CORIN: variants seen among roughly 807,000 people sequenced by gnomAD.
The protein encoded by CORIN is atrial natriuretic peptide-converting enzyme.
In CORIN, 117 loss-of-function variants were observed where a neutral mutation model predicts 125.3. That is an observed-to-expected ratio of 0.93 (90% confidence interval 0.80 to 1.09). CORIN has a LOEUF of 1.09. CORIN is among the 50% of genes least tolerant of loss of function. The pLI is 0.00. For synonymous variants in CORIN, 450 were observed against 466.4 expected (o/e 0.96, Z 0.45); for missense variants, 1,253 against 1,306.7 (o/e 0.96, Z 0.63).
chr4:47,813,959 G>A (rs746932753), intron 1 of CORIN, among the ~76,000 whole-genome samples: 6 of 152,138 alleles, frequency 3.9e-5, no homozygotes, highest in Non-Finnish European at 7.4e-5. Context: ...AGATGGGATT[G>A]TATGCAAAAT....
At chr4:47,635,227 T>C (rs1171558299) in intron 16 of CORIN, among the ~76,000 whole-genome samples, 3 of 152,178 alleles carry the variant, frequency 2.0e-5, no homozygotes, top group Non-Finnish European at 4.4e-5. Flanking sequence ...GGGACAGAAA[T>C]GGAGACAACA....
At chr4:47,709,557 A>G (rs1412840107) in intron 5 of CORIN, among the ~76,000 whole-genome samples, 1 of 152,094 alleles carries the variant, frequency 6.6e-6, no homozygotes, top group Non-Finnish European at 1.5e-5. Flanking sequence ...CTCTCAAAGT[A>G]CTAGAATTAC....
At chr4:47,717,157 A>T (rs1727129826) in intron 5 of CORIN, among the ~76,000 whole-genome samples, 1 of 152,158 alleles carries the variant, frequency 6.6e-6, no homozygotes, top group East Asian at 1.9e-4. Flanking sequence ...TCAGAACCAC[A>T]GTTTTTTCTC....
intron 4 of CORIN, among the ~76,000 whole-genome samples, chr4:47,752,276 A>C (rs879852636): frequency 1.8e-4 from 27 of 152,304 alleles, no homozygotes; most frequent in Middle Eastern, 3.4e-3. Context: ...TTATTTGCTT[A>C]CTGCCTATCT....
intron 5 of CORIN, among the ~76,000 whole-genome samples, chr4:47,721,085 T>A (rs779081546): frequency 6.6e-6 from 1 of 152,174 alleles, no homozygotes; most frequent in East Asian, 1.9e-4. Context: ...AAGTCCAGGA[T>A]CAGGGTGCAC....
At position 47,786,864 on chromosome 4, in the gene CORIN, T is replaced by A. The variant is rs1255504660; in HGVS notation, c.270A>T (p.Glu90Asp). ...TAAGAATAACATCGGACCCTTGGAT[T>A]TCACCATCAGTGACCAAAGGTTCAC... ...NGSEPLVTDG[E>D]IQGSDVILTN... The change falls in exon 3 of 22, where the codon GAA becomes GAT. Residue 90 changes from glutamate (E) to aspartate (D), a missense_variant. Transcript: ENST00000273857. 6.2e-7 allele frequency: 1 copy of A among 1,613,796 alleles called. No homozygotes were observed. The highest frequency in any genetic ancestry group is 8.5e-7 in the Non-Finnish European group (1 of 1,179,822).
chr4:47,674,882 T>C (rs1372186812), intron 9 of CORIN, among the ~76,000 whole-genome samples: 1 of 152,188 alleles, frequency 6.6e-6, no homozygotes, highest in African/African-American at 2.4e-5. Context: ...GAATATTAAG[T>C]GACACTTTTT....
rs749191543 is a variant in CORIN at position 47,600,222 on chromosome 4, A to G, written c.2938T>C (p.Ser980Pro). The change falls in exon 21 of 22, where the codon TCA becomes CCA. Residue 980 changes from serine (S) to proline (P), a missense_variant. By Grantham distance (74) the Ser-to-Pro change is moderately conservative. Transcript: ENST00000273857. ...CAGYESGTVD[S>P]CMGDSGGPLV... ...ACCAGAAAGCAACTTACCATGCATG[A>G]ATCAACTGTGCCAGACTCATAGCCA... The G allele has an allele frequency of 1.9e-6, 3 of 1,608,794 alleles. No homozygotes were observed. The highest frequency in any genetic ancestry group is 1.1e-5 in the South Asian group (1 of 89,706).
intron 21 of CORIN, among the ~76,000 whole-genome samples, chr4:47,599,849 C>A (rs1352946281): frequency 6.6e-6 from 1 of 152,172 alleles, no homozygotes; most frequent in Non-Finnish European, 1.5e-5. Flanking sequence ...CCCTGCTTCC[C>A]CAGGGCAGCC....
chr4:47,720,394 A>T (rs1577860613), intron 5 of CORIN, among the ~76,000 whole-genome samples: 1 of 152,230 alleles, frequency 6.6e-6, no homozygotes, highest in Non-Finnish European at 1.5e-5. Flanking sequence ...CTCCAGGTCA[A>T]TATTCGCAGT....
rs73135990 is a variant in CORIN, at chr4:47,796,028, A to G, written c.209-9103T>C. Among the ~76,000 whole-genome samples, 1,382 of 152,218 alleles carry G rather than the reference A, an allele frequency of 9.1e-3. 19 individuals carry two copies. Among genetic ancestry groups the G allele is most frequent in the African/African-American group, 0.03 (1,245 of 41,568 alleles). On this transcript the variant is annotated intron_variant, in intron 2 of 21. Transcript: ENST00000273857. ...ACACTGTTAGTAGGAATGTAAATTG[A>G]TGCAGCCACTATGGAAAACAGAATG...
intron 19 of CORIN, among the ~76,000 whole-genome samples, chr4:47,614,695 A>T (rs969910019): frequency 6.6e-6 from 1 of 152,174 alleles, no homozygotes; most frequent in Non-Finnish European, 1.5e-5. Flanking sequence ...GACAAATTAC[A>T]GCCCTACATA....
intron 6 of CORIN, among the ~76,000 whole-genome samples, chr4:47,689,223 T>A (rs1725659065): frequency 6.6e-6 from 1 of 152,194 alleles, no homozygotes; most frequent in African/African-American, 2.4e-5. Flanking sequence ...ATCCTAGTGC[T>A]TTTTGAGACT....
intron 5 of CORIN, among the ~76,000 whole-genome samples, chr4:47,727,365 G>T (rs184302998): frequency 8.0e-4 from 122 of 152,064 alleles, no homozygotes; most frequent in Admixed American, 1.4e-3. Context: ...ACAAACCAGT[G>T]TTCAAAGAAA....
At chr4:47,685,562 A>T (rs1210234911) in intron 6 of CORIN, among the ~76,000 whole-genome samples, 1 of 152,162 alleles carries the variant, frequency 6.6e-6, no homozygotes, top group African/African-American at 2.4e-5. Flanking sequence ...GGGAGATGCA[A>T]ACATTCTAGA....
intron 2 of CORIN, among the ~76,000 whole-genome samples, chr4:47,803,701 C>A (rs963873246): frequency 1.3e-4 from 20 of 152,218 alleles, no homozygotes; most frequent in African/African-American, 4.6e-4. Flanking sequence ...ATTCAAAAAT[C>A]AAATCAAAAT....
chr4:47,774,069 T>G (rs1317152691), intron 3 of CORIN, among the ~76,000 whole-genome samples: 3 of 152,188 alleles, frequency 2.0e-5, no homozygotes, highest in African/African-American at 7.2e-5. Context: ...TTGCATTTAA[T>G]GGTGATTAAT....
chr4:47,595,731 A>T lies in CORIN; in HGVS notation c.3119T>A (p.Leu1040His). The T allele has an allele frequency of 6.2e-7, 1 of 1,601,266 alleles. No individual in the cohort carries two copies. Among genetic ancestry groups the T allele is most frequent in the Middle Eastern group, 1.7e-4 (1 of 5,946 alleles). Residue 1040 changes from leucine (L) to histidine (H), a missense_variant, in exon 22 of 22, where the codon CTC becomes CAC. Physicochemically the swap from Leu to His is moderately conservative, Grantham distance 99. Transcript: ENST00000273857. ...TGATCATCCTTATAATTAGTTTAGG[A>T]GAAAGGTCTGGATGTAAATCTGTCT... ...IKRQIYIQTF[L>H]LN
chr4:47,719,556 T>C (rs1427453007), intron 5 of CORIN, among the ~76,000 whole-genome samples: 1 of 152,208 alleles, frequency 6.6e-6, no homozygotes, highest in Non-Finnish European at 1.5e-5. Flanking sequence ...TATAATGCAG[T>C]TTTGTTTTCT....
Sources: allele counts gnomAD v4.1 joint callset (sites outside exome capture counted in the v4.1 genomes callset), GRCh38; gene constraint gnomAD v4.1.1; transcripts MANE v1.5; gene names NCBI Gene and HGNC (gene_info 2026-07-23, HGNC 2026-07-21).